The following NCAM1 variants were observed in gnomAD, a reference collection of about 807,000 sequenced individuals.
NCAM1 encodes the protein antigen recognized by monoclonal antibody 5.1H11.
Under a neutral mutation model 109.8 loss-of-function variants are expected in NCAM1, and 14 were observed. The observed-to-expected ratio is 0.13, with a 90% CI of 0.08 to 0.20. The LOEUF (loss-of-function observed/expected upper bound fraction) is 0.20, where lower values mean the gene tolerates loss of function less well. NCAM1 is among the 10% of genes least tolerant of loss of function. The probability of loss-of-function intolerance (pLI) is 1.00; values close to 1 mark genes in which losing one functional copy is unlikely to be tolerated. For missense variants in NCAM1, 774 were observed against 1,109.9 expected (o/e 0.70, Z 4.30); for synonymous variants, 418 against 442.9 (o/e 0.94, Z 0.70).
intron 1 of NCAM1, among the ~76,000 whole-genome samples, chr11:113,083,191 T>C (rs1169027926): frequency 6.6e-6 from 1 of 152,166 alleles, no homozygotes; most frequent in Non-Finnish European, 1.5e-5. Flanking sequence ...TTTTCCTACG[T>C]GCCATACACT....
chr11:113,234,461 C>T (rs1945102990), intron 13 of NCAM1, among the ~76,000 whole-genome samples: 1 of 152,150 alleles, frequency 6.6e-6, no homozygotes, highest in Non-Finnish European at 1.5e-5. Flanking sequence ...CTACCTCCTC[C>T]CAGCCCCTGG....
chr11:113,009,312 G>GTTTTTTTGTTGTTGT lies in NCAM1; in HGVS notation c.52+47655_52+47656insGTTGTTGTTTTTTTT, dbSNP rs1555073910. On this transcript the variant is annotated intron_variant, in intron 1 of 19. Transcript: ENST00000316851. ...GATTTAATTGGAAGGGTTTTTTCGG[G>GTTTTTTTGTTGTTGT]TTTTTTTTTTTTTTTTTTTTTTTTT... Among the ~76,000 whole-genome samples the GTTTTTTTGTTGTTGT allele has an allele frequency of 4.7e-3, 376 of 79,624 alleles. 22 individuals carry two copies. The highest frequency in any genetic ancestry group is 0.039 in the Middle Eastern group (5 of 128). The allele number at this position is 79,624 out of a possible 152,430, so 52.2% of individuals were successfully genotyped here.
In NCAM1 at chr11:113,275,498, GCA is replaced by G. The variant is rs565929969; in HGVS notation, c.*122_*123del. 7,045 of 1,260,050 alleles carry G rather than the reference GCA, an allele frequency of 5.6e-3. 94 individuals are homozygous for G. The highest frequency in any genetic ancestry group is 0.035 in the South Asian group (2,296 of 66,378). The allele number at this position is 1,260,050 out of a possible 1,614,324, so 78.1% of individuals were successfully genotyped here. On this transcript the variant is annotated 3_prime_UTR_variant, in exon 20 of 20. Transcript: ENST00000316851. ...CGCACGCACACACACAAACACACAT[GCA>G]CACACACACATCTCATTTCTCTAGT...
Position 113,278,067 on chromosome 11 carries a change from A to G in NCAM1, c.*2680A>G, listed in dbSNP as rs1296668745. 6.7e-6 allele frequency: 1 copy of G among 149,110 alleles called. No homozygotes were observed. Among genetic ancestry groups the G allele is most frequent in the African/African-American group, 2.6e-5 (1 of 38,520 alleles). The allele number at this position is 149,110 out of a possible 1,614,324, so 9.2% of individuals were successfully genotyped here. ...TATTCACATGAAGACCGGCATGGCC[A>G]AGTTCTGCTGGAGGAGCACTCAAGT... On this transcript the variant is annotated 3_prime_UTR_variant, in exon 20 of 20. Coordinates refer to ENST00000316851, the MANE Select transcript of NCAM1 (RefSeq NM_181351.5).
At position 113,060,867 on chromosome 11, in the gene NCAM1, T is replaced by C. The variant is rs138407770; in HGVS notation, c.52+99203T>C. Among the ~76,000 whole-genome samples the C allele has an allele frequency of 1.3e-4, 20 of 152,348 alleles. No homozygotes were observed. In the South Asian group the frequency reaches 1.9e-3, roughly 14 times the overall value. ...TAGAACCATGGAAGGGTTTACAAGA[T>C]AGCGATCAAGATGTTGAAAGTAAAT... is the stretch of plus-strand genomic sequence containing the variant. On this transcript the variant is annotated intron_variant, in intron 1 of 19. Transcript: ENST00000316851.
chr11:112,999,428 C>A (rs1555072044), intron 1 of NCAM1, among the ~76,000 whole-genome samples: 1 of 151,948 alleles, frequency 6.6e-6, no homozygotes, highest in African/African-American at 2.4e-5. Context: ...AATATCCCTA[C>A]ATTATGAATT....
intron 8 of NCAM1, among the ~76,000 whole-genome samples, chr11:113,218,471 GTCT>G (rs1170654426): frequency 3.3e-5 from 5 of 152,166 alleles, no homozygotes; most frequent in Admixed American, 1.3e-4. Context: ...TCTAGTATTA[GTCT>G]TCTTAAGGGA....
At chr11:113,052,896 T>C (rs1204442874) in intron 1 of NCAM1, among the ~76,000 whole-genome samples, 2 of 152,070 alleles carry the variant, frequency 1.3e-5, no homozygotes, top group African/African-American at 4.8e-5. Context: ...CTCCCCTCCC[T>C]GTGTCCATAC....
intron 1 of NCAM1, among the ~76,000 whole-genome samples, chr11:113,164,718 C>T (rs1942724075): frequency 6.6e-6 from 1 of 152,126 alleles, no homozygotes; most frequent in East Asian, 1.9e-4. Context: ...GGTGCACCAT[C>T]CTCCCAGAAC....
In NCAM1 at chr11:113,060,767, T is replaced by C. The variant is rs146404105; in HGVS notation, c.52+99103T>C. Reference sequence around the variant, plus strand: ...ATGCATTTATATCTTTTGCATTTCATTTCCTTGGTGTGCCCCAATGTTTTC... The same window carrying C: ...ATGCATTTATATCTTTTGCATTTCACTTCCTTGGTGTGCCCCAATGTTTTC... On this transcript the variant is annotated intron_variant, in intron 1 of 19. Transcript: ENST00000316851. Among the ~76,000 whole-genome samples the C allele has an allele frequency of 9.8e-3, 1,493 of 152,314 alleles. 25 individuals carry two copies. Among genetic ancestry groups the C allele is most frequent in the African/African-American group, 0.034 (1,414 of 41,580 alleles).
chr11:113,139,721 G>C (rs563968716), intron 1 of NCAM1, among the ~76,000 whole-genome samples: 1 of 151,554 alleles, frequency 6.6e-6, no homozygotes, highest in Non-Finnish European at 1.5e-5. Flanking sequence ...CTTTCCAACA[G>C]AATTGGCTTC....
At chr11:113,232,635 C>A in intron 11 of NCAM1, 83 bp from the exon 12 acceptor site, 1 of 1,155,402 alleles carries the variant, frequency 8.7e-7, no homozygotes, top group Non-Finnish European at 1.3e-6. Context: ...CTGTTTTTTA[C>A]TAACTTAATT....
intron 1 of NCAM1, among the ~76,000 whole-genome samples, chr11:112,965,696 A>T (rs1950712727): frequency 6.6e-6 from 1 of 152,218 alleles, no homozygotes; most frequent in African/African-American, 2.4e-5. Flanking sequence ...TATGAGTTTG[A>T]TAAATTTCTC....
chr11:113,167,526 T>G (rs1264384357), intron 1 of NCAM1, among the ~76,000 whole-genome samples: 1 of 57,996 alleles, frequency 1.7e-5, no homozygotes, highest in Admixed American at 2.1e-4. Flanking sequence ...CAGAAACGTG[T>G]TTTTTTTTTT....
chr11:113,167,365 G>A (rs1942838921), intron 1 of NCAM1, among the ~76,000 whole-genome samples: 1 of 152,094 alleles, frequency 6.6e-6, no homozygotes, highest in Non-Finnish European at 1.5e-5. Flanking sequence ...GGTGCCATGA[G>A]GGAACCACCT....
Position 113,276,428 on chromosome 11 carries a change from C to T in NCAM1, c.*1041C>T, listed in dbSNP as rs1455649746. On this transcript the variant is annotated 3_prime_UTR_variant, in exon 20 of 20. Transcript: ENST00000316851. ...CTGATTAGCCGCCACCTGCCTGCATCTGTGAAAAGGGATCTGCTCCCAGGC... is the reference window on the plus strand; with the variant it reads ...CTGATTAGCCGCCACCTGCCTGCATTTGTGAAAAGGGATCTGCTCCCAGGC... 6.6e-6 allele frequency: 1 copy of T among 152,614 alleles called. No individual in the cohort carries two copies. The highest frequency in any genetic ancestry group is 1.5e-5 in the Non-Finnish European group (1 of 68,048). 9.5% of individuals were successfully genotyped at this position (152,614 alleles called of 1,614,324 possible). A position where few individuals can be genotyped will look rare whatever the true frequency, so the allele number is the denominator to read the frequency against.
chr11:113,179,840 T>A (rs527795949), intron 1 of NCAM1, among the ~76,000 whole-genome samples: 1 of 152,342 alleles, frequency 6.6e-6, no homozygotes, highest in East Asian at 1.9e-4. Flanking sequence ...TGGAGACACT[T>A]GGCTTTTGTG....
At chr11:113,166,769 C>CA (rs1258614853) in intron 1 of NCAM1, among the ~76,000 whole-genome samples, 259 of 149,884 alleles carry the variant, frequency 1.7e-3, no homozygotes, top group African/African-American at 3.8e-3. Flanking sequence ...GACACACACA[C>CA]ACAAAAAAAA....
intron 1 of NCAM1, among the ~76,000 whole-genome samples, chr11:112,981,828 A>T (rs935701317): frequency 6.6e-6 from 1 of 151,960 alleles, no homozygotes; most frequent in African/African-American, 2.4e-5. Context: ...TTTAAAAATA[A>T]GACATCTTAG....
Sources: gnomAD v4.1 joint callset for allele counts (sites outside exome capture counted in the v4.1 genomes callset) on GRCh38, gnomAD v4.1.1 for gene constraint, MANE v1.5 for transcripts, NCBI Gene and HGNC (gene_info 2026-07-23, HGNC 2026-07-21) for gene names.